The following ANKS1B variants were observed in gnomAD, a reference collection of about 807,000 sequenced individuals.
The protein encoded by ANKS1B is ankyrin repeat and sterile alpha motif domain containing 1B.
ANKS1B carries 36 observed loss-of-function variants against 148.3 expected under a neutral mutation model. The ratio of observed to expected loss-of-function variants is 0.24; its 90% CI spans 0.19 to 0.32. The LOEUF is 0.32. Among genes scored for constraint, ANKS1B ranks in the 10% least tolerant of loss-of-function variants. ANKS1B has a pLI of 1.00. For synonymous variants in ANKS1B, 542 were observed against 560.8 expected, an observed-to-expected ratio of 0.97 and a Z score of 0.47; for missense variants, 1,157 against 1,542.6, an observed-to-expected ratio of 0.75 and a Z score of 4.19.
chr12:99,891,259 T>C (rs2093088914), intron 1 of ANKS1B, among the ~76,000 whole-genome samples: 4 of 152,212 alleles, frequency 2.6e-5, no homozygotes, highest in Admixed American at 6.5e-5. Context: ...TTCCACGTTC[T>C]CCATATCAAT....
At chr12:99,083,315 C>G in intron 16 of ANKS1B, among the ~76,000 whole-genome samples, 1 of 152,090 alleles carries the variant, frequency 6.6e-6, no homozygotes. Context: ...CCAGGTGTAT[C>G]TATTACAGTT....
intron 8 of ANKS1B, among the ~76,000 whole-genome samples, chr12:99,677,803 C>A (rs1357141177): frequency 6.6e-6 from 1 of 152,024 alleles, no homozygotes; most frequent in Non-Finnish European, 1.5e-5. Flanking sequence ...GAAACCCTGT[C>A]TCTACTAAAA....
At chr12:99,747,266 CTCTT>C in intron 8 of ANKS1B, among the ~76,000 whole-genome samples, 1 of 152,166 alleles carries the variant, frequency 6.6e-6, no homozygotes, top group Non-Finnish European at 1.5e-5. Flanking sequence ...TAAACTTATC[CTCTT>C]TCTAACACAG....
intron 17 of ANKS1B, among the ~76,000 whole-genome samples, chr12:99,037,549 T>C (rs2099956303): frequency 6.6e-6 from 1 of 152,036 alleles, no homozygotes; most frequent in Non-Finnish European, 1.5e-5. Flanking sequence ...GTTGGTGAAC[T>C]GAATTTTATC....
chr12:98,852,361 C>T (rs1029251357), intron 17 of ANKS1B, among the ~76,000 whole-genome samples: 1 of 151,672 alleles, frequency 6.6e-6, no homozygotes, highest in East Asian at 1.9e-4. Flanking sequence ...CAGATGTAGG[C>T]GTTAAAGGAG....
At position 99,386,293 on chromosome 12, in the gene ANKS1B, T is replaced by G. The variant is rs117500402; in HGVS notation, c.1756+13338A>C. On this transcript the variant is annotated intron_variant, in intron 12 of 26. Coordinates refer to ENST00000683438, the MANE Select transcript of ANKS1B (RefSeq NM_001352186.2). ...ATGTAAGTGAGAGTTCACTCTAGATTGTGTGAACGCATTGTTAGATGTTAG... is the reference window on the plus strand; with the variant it reads ...ATGTAAGTGAGAGTTCACTCTAGATGGTGTGAACGCATTGTTAGATGTTAG... 10 of 152,344 alleles carry G rather than the reference T, an allele frequency of 6.6e-5. No homozygotes were observed. The East Asian group carries it at 1.9e-3, about 29-fold the overall frequency. 9.4% of individuals were successfully genotyped at this position (152,344 alleles called of 1,614,324 possible).
intron 8 of ANKS1B, among the ~76,000 whole-genome samples, chr12:99,751,661 G>C (rs2061118049): frequency 1.3e-5 from 2 of 152,004 alleles, no homozygotes; most frequent in African/African-American, 4.8e-5. Flanking sequence ...CCCATACCAG[G>C]ATTCTGTGAT....
chr12:99,843,360 A>G (rs2086081312), intron 1 of ANKS1B, among the ~76,000 whole-genome samples: 1 of 151,990 alleles, frequency 6.6e-6, no homozygotes, highest in Non-Finnish European at 1.5e-5. Flanking sequence ...TCACCTGGCT[A>G]TTAAGCCCAG....
At chr12:99,649,544 C>T in intron 9 of ANKS1B, 2 of 631,262 alleles carry the variant, frequency 3.2e-6, no homozygotes, top group Non-Finnish European at 5.5e-6. Flanking sequence ...GATGTGGCTG[C>T]AACCAAGTCT....
rs565368661 is a variant in ANKS1B at position 98,745,564 on chromosome 12, T to C, written c.*175A>G. ...CGACTGGAAAGTCTTGCGTTTTCCA[T>C]CACTGGTGCAGAAAGAACTTCCCCA... On this transcript the variant is annotated 3_prime_UTR_variant, in exon 27 of 27. Transcript: ENST00000683438. 2.2e-6 allele frequency: 3 copies of C among 1,382,178 alleles called. No individual in the cohort carries two copies. The South Asian group carries it at 4.8e-5, about 22-fold the overall frequency. The allele number at this position is 1,382,178 out of a possible 1,614,324, so 85.6% of individuals were successfully genotyped here.
chr12:98,796,339 G>T (rs2098949357), intron 22 of ANKS1B, among the ~76,000 whole-genome samples: 1 of 151,964 alleles, frequency 6.6e-6, no homozygotes, highest in South Asian at 2.1e-4. Flanking sequence ...CAATACTTTG[G>T]CCTAATAATA....
At chr12:99,644,983 G>A (rs141171203) in intron 9 of ANKS1B, among the ~76,000 whole-genome samples, 9 of 152,120 alleles carry the variant, frequency 5.9e-5, no homozygotes, top group East Asian at 3.9e-4. Context: ...TGATTACACC[G>A]GACCCCCAAC....
chr12:98,861,101 G>A (rs1402371494), intron 17 of ANKS1B, among the ~76,000 whole-genome samples: 3 of 152,142 alleles, frequency 2.0e-5, no homozygotes, highest in South Asian at 2.1e-4. Context: ...TTAGGTAGGC[G>A]GGAAGGACCC....
intron 14 of ANKS1B, among the ~76,000 whole-genome samples, chr12:99,192,129 C>CT (rs1387787134): frequency 9.7e-5 from 4 of 41,138 alleles, no homozygotes; most frequent in African/African-American, 4.1e-4. Context: ...AAGACTCCAT[C>CT]TCAAAAAAAA....
intron 8 of ANKS1B, among the ~76,000 whole-genome samples, chr12:99,719,306 T>C (rs1345234590): frequency 6.6e-6 from 1 of 152,174 alleles, no homozygotes; most frequent in African/African-American, 2.4e-5. Context: ...ACTCACTCTT[T>C]GTTGAGTCTC....
At chr12:98,789,956 CA>C (rs2098833022) in intron 22 of ANKS1B, among the ~76,000 whole-genome samples, 1 of 152,092 alleles carries the variant, frequency 6.6e-6, no homozygotes, top group South Asian at 2.1e-4. Context: ...GAGGATTACA[CA>C]AGCATAAGAT....
chr12:99,731,899 T>C (rs2059196244), intron 8 of ANKS1B, among the ~76,000 whole-genome samples: 1 of 152,158 alleles, frequency 6.6e-6, no homozygotes. Context: ...CGAGAATAAC[T>C]TTAAAACCAG....
intron 15 of ANKS1B, among the ~76,000 whole-genome samples, chr12:99,148,184 C>T (rs1394889523): frequency 1.3e-5 from 2 of 152,044 alleles, no homozygotes; most frequent in African/African-American, 2.4e-5. Context: ...GTAAATTTCT[C>T]ATCTCAAATA....
intron 9 of ANKS1B, among the ~76,000 whole-genome samples, chr12:99,607,337 T>A (rs567971272): frequency 5.3e-5 from 8 of 151,742 alleles, no homozygotes; most frequent in Non-Finnish European, 1.0e-4. Context: ...ATCAAAAATA[T>A]CAAAGAAGCT....
Sources: gnomAD v4.1 joint callset for allele counts (sites outside exome capture counted in the v4.1 genomes callset) on GRCh38, gnomAD v4.1.1 for gene constraint, MANE v1.5 for transcripts, NCBI Gene and HGNC (gene_info 2026-07-23, HGNC 2026-07-21) for gene names.